The following NRCAM variants were observed in gnomAD, a reference collection of about 807,000 sequenced individuals.
NRCAM encodes neuronal cell adhesion molecule, also known as NgCAM-related cell adhesion molecule.
Under a neutral mutation model 156.5 loss-of-function variants are expected in NRCAM, and 83 were observed. The observed-to-expected ratio is 0.53, with a 90% CI of 0.44 to 0.64. The LOEUF (loss-of-function observed/expected upper bound fraction) is 0.64, where lower values mean the gene tolerates loss of function less well. NRCAM is among the 30% of genes least tolerant of loss of function. The pLI is 0.00. For synonymous variants in NRCAM, 538 were observed against 563.9 expected (o/e 0.95, Z 0.65); for missense variants, 1,417 against 1,597.3 (o/e 0.89, Z 1.92).
At chr7:108,293,669 A>G (rs79695006) in intron 3 of NRCAM, among the ~76,000 whole-genome samples, 6,247 of 152,286 alleles carry the variant, frequency 0.041, 169 homozygotes, top group Non-Finnish European at 0.061. Context: ...AAAGTAACTA[A>G]AATTCACAGA....
At chr7:108,336,073 A>G (rs967163941) in intron 2 of NRCAM, among the ~76,000 whole-genome samples, 1 of 152,010 alleles carries the variant, frequency 6.6e-6, no homozygotes, top group Non-Finnish European at 1.5e-5. Context: ...GTTGTCCATG[A>G]CCCCTGCTTC....
intron 3 of NRCAM, chr7:108,243,065 A>G (rs1296360389): frequency 6.6e-6 from 1 of 152,242 alleles, no homozygotes; most frequent in Non-Finnish European, 1.5e-5. Flanking sequence ...ACATGAGTTA[A>G]TAAATCCTCA....
At chr7:108,299,474 T>C (rs1342586952) in intron 3 of NRCAM, among the ~76,000 whole-genome samples, 2 of 152,160 alleles carry the variant, frequency 1.3e-5, no homozygotes, top group South Asian at 2.1e-4. Flanking sequence ...GAATCAGTCA[T>C]ATAAAAGATA....
chr7:108,405,840 C>T (rs1222433633), intron 1 of NRCAM, among the ~76,000 whole-genome samples: 4 of 152,020 alleles, frequency 2.6e-5, no homozygotes, highest in African/African-American at 4.8e-5. Flanking sequence ...TACCTTAGGT[C>T]GGGTGCAGTG....
intron 3 of NRCAM, among the ~76,000 whole-genome samples, chr7:108,298,168 C>T (rs1430812891): frequency 1.3e-5 from 2 of 152,106 alleles, no homozygotes; most frequent in Non-Finnish European, 2.9e-5. Context: ...CAAAGCTATA[C>T]TTTATTACCA....
chr7:108,185,429 T>C (rs950224511), intron 20 of NRCAM, among the ~76,000 whole-genome samples: 2 of 152,152 alleles, frequency 1.3e-5, no homozygotes, highest in African/African-American at 4.8e-5. Flanking sequence ...AATGGAATAC[T>C]CTGAAGCTGT....
intron 17 of NRCAM, 91 bp from the exon 18 acceptor site, chr7:108,191,944 A>T (rs2071975337): frequency 2.1e-6 from 3 of 1,430,388 alleles, no homozygotes; most frequent in Non-Finnish European, 2.8e-6. Flanking sequence ...TGTAAATTTG[A>T]TAAAGGAGAA....
At chr7:108,375,828 T>C (rs778614299) in intron 2 of NRCAM, among the ~76,000 whole-genome samples, 13 of 152,286 alleles carry the variant, frequency 8.5e-5, no homozygotes, top group Middle Eastern at 6.8e-3. Context: ...TCCAGTCTCT[T>C]GTAGAGGAAA....
rs1451769377 is a variant in NRCAM, at chr7:108,184,980, T to C, written c.2036-366A>G. Reference sequence around the variant, plus strand: ...CTTTCTCTAGCATGCTGAATTTAGTTACTTAAAACTGTTTAGAATTAATCC... The same window carrying C: ...CTTTCTCTAGCATGCTGAATTTAGTCACTTAAAACTGTTTAGAATTAATCC... On this transcript the variant is annotated intron_variant, in intron 20 of 32. Coordinates refer to ENST00000379028, the MANE Select transcript of NRCAM (RefSeq NM_001037132.4). Among the ~76,000 whole-genome samples the C allele has an allele frequency of 2.0e-5, 3 of 152,094 alleles. No homozygotes were observed. The East Asian group carries it at 5.8e-4, about 30-fold the overall frequency.
intron 11 of NRCAM, among the ~76,000 whole-genome samples, chr7:108,222,403 C>T (rs1477155447): frequency 1.3e-5 from 2 of 152,104 alleles, no homozygotes; most frequent in Non-Finnish European, 2.9e-5. Context: ...TTTCCAAATA[C>T]CAACCATATT....
rs544017020 is a variant in NRCAM, at chr7:108,226,156, C to T, written c.721+52G>A. On this transcript the variant is annotated intron_variant, in intron 9 of 32. Coordinates refer to ENST00000379028, the MANE Select transcript of NRCAM (RefSeq NM_001037132.4). ...AGTATATAATAGTTTCTATATTTTG[C>T]ACATATTTGTAAATGTCATTGAAGG... The T allele has an allele frequency of 2.3e-6, 3 of 1,304,860 alleles. No homozygotes were observed. In the East Asian group the frequency reaches 6.9e-5, roughly 30 times the overall value. 80.8% of individuals were successfully genotyped at this position (1,304,860 alleles called of 1,614,324 possible). A position where few individuals can be genotyped will look rare whatever the true frequency, so the allele number is the denominator to read the frequency against.
intron 3 of NRCAM, among the ~76,000 whole-genome samples, chr7:108,307,165 A>G (rs1334832539): frequency 1.3e-5 from 2 of 152,244 alleles, no homozygotes; most frequent in African/African-American, 4.8e-5. Context: ...ATATACACAC[A>G]AAAGACCCAT....
intron 11 of NRCAM, among the ~76,000 whole-genome samples, chr7:108,215,731 CTT>C (rs60725485): frequency 0.26 from 33,255 of 127,918 alleles, 3,468 homozygotes; most frequent in African/African-American, 0.28. Flanking sequence ...CAACCCCTGC[CTT>C]TTTTTTTTTT....
rs370238674 is a variant in NRCAM at position 108,195,782 on chromosome 7, G to C, written c.1442C>G (p.Ser481Cys). Reference sequence around the variant, plus strand: ...TTACCACTCGATGGTTGGGAGAGGAGACCCAAAGAAGGCACAGTCTAGTAA... The same window carrying C: ...TTACCACTCGATGGTTGGGAGAGGACACCCAAAGAAGGCACAGTCTAGTAA... ...PALLDCAFFGSPLPTIEWFKG... is the reference protein window; with the variant it reads ...PALLDCAFFGCPLPTIEWFKG... Residue 481 changes from serine to cysteine, a missense_variant, in exon 15 of 33, where the codon TCT (serine) becomes TGT (cysteine). Physicochemically the swap from Ser to Cys is moderately radical, Grantham distance 112. Transcript: ENST00000379028. 1.5e-5 allele frequency: 24 copies of C among 1,606,486 alleles called. 1 individual carries two copies. The African/African-American group carries it at 2.5e-4, about 17-fold the overall frequency.
At chr7:108,217,446 C>G (rs1229444960) in intron 11 of NRCAM, among the ~76,000 whole-genome samples, 2 of 152,232 alleles carry the variant, frequency 1.3e-5, no homozygotes, top group African/African-American at 4.8e-5. Context: ...AGCTCGAGCA[C>G]TGTGCTGGGA....
At chr7:108,351,681 C>G (rs1420694793) in intron 2 of NRCAM, among the ~76,000 whole-genome samples, 2 of 152,070 alleles carry the variant, frequency 1.3e-5, no homozygotes, top group African/African-American at 2.4e-5. Flanking sequence ...GCTAAGATGA[C>G]AGCCTTAAAT....
At chr7:108,155,463 A>C (rs1470050850) in intron 32 of NRCAM, among the ~76,000 whole-genome samples, 1 of 152,034 alleles carries the variant, frequency 6.6e-6, no homozygotes, top group Admixed American at 6.6e-5. Context: ...TGTGCAGTGG[A>C]AAGAAATGTT....
intron 1 of NRCAM, among the ~76,000 whole-genome samples, chr7:108,405,024 T>A (rs1307933739): frequency 6.6e-6 from 1 of 152,214 alleles, no homozygotes; most frequent in African/African-American, 2.4e-5. Flanking sequence ...GCTATGACTA[T>A]GGATGTGTGA....
chr7:108,191,647 G>C, intron 18 of NRCAM, 82 bp downstream of exon 18: 1 of 1,437,726 alleles, frequency 7.0e-7, no homozygotes, highest in Non-Finnish European at 9.3e-7. Context: ...GCAAATATTT[G>C]ATATTTATAA....
Sources: allele counts gnomAD v4.1 joint callset (sites outside exome capture counted in the v4.1 genomes callset), GRCh38; gene constraint gnomAD v4.1.1; transcripts MANE v1.5; gene names NCBI Gene and HGNC (gene_info 2026-07-23, HGNC 2026-07-21).